The following UBTD2 variants were observed in gnomAD, a reference collection of about 807,000 sequenced individuals.
The protein encoded by UBTD2 is ubiquitin domain-containing protein 2.
A neutral mutation model predicts 19.8 loss-of-function variants in UBTD2; 9 were observed. The ratio of observed to expected loss-of-function variants is 0.46; its 90% confidence interval spans 0.27 to 0.79. The LOEUF (loss-of-function observed/expected upper bound fraction) is 0.79, where lower values mean the gene tolerates loss of function less well. UBTD2 is among the 30% of genes least tolerant of loss of function. The pLI is 0.14. For missense variants in UBTD2, 250 were observed against 300.4 expected (o/e 0.83, Z 1.24); for synonymous variants, 98 against 103.9 (o/e 0.94, Z 0.35).
intron 1 of UBTD2, among the ~76,000 whole-genome samples, chr5:172,241,522 C>G (rs920962349): frequency 6.6e-6 from 1 of 150,968 alleles, no homozygotes; most frequent in Admixed American, 6.6e-5. Context: ...ATTTAAGGAC[C>G]AGAAATAAAA....
chr5:172,229,351 A>AT (rs1180636339), intron 2 of UBTD2, among the ~76,000 whole-genome samples: 20 of 152,132 alleles, frequency 1.3e-4, no homozygotes, highest in South Asian at 2.1e-4. Flanking sequence ...AATACAAAAA[A>AT]TTAGCCAGGC....
At chr5:172,215,834 G>A (rs970207539) in intron 2 of UBTD2, among the ~76,000 whole-genome samples, 4 of 152,126 alleles carry the variant, frequency 2.6e-5, no homozygotes, top group Non-Finnish European at 4.4e-5. Context: ...AACTGAACAC[G>A]AATGAGGAAG....
chr5:172,217,398 G>A (rs1322314405), intron 2 of UBTD2, among the ~76,000 whole-genome samples: 4 of 139,470 alleles, frequency 2.9e-5, no homozygotes, highest in African/African-American at 8.1e-5. Context: ...CAGCCTGGGC[G>A]AAAGTGCGAG....
intron 2 of UBTD2, among the ~76,000 whole-genome samples, chr5:172,223,665 C>CAA (rs1771699284): frequency 7.3e-6 from 1 of 137,734 alleles, no homozygotes; most frequent in South Asian, 2.5e-4. Context: ...AAGCACTTTA[C>CAA]ATACATTAAC....
intron 1 of UBTD2, among the ~76,000 whole-genome samples, chr5:172,257,513 C>T (rs1755180552): frequency 6.6e-6 from 1 of 152,170 alleles, no homozygotes; most frequent in African/African-American, 2.4e-5. Context: ...TAATGGGATT[C>T]CTGGGTCGAA....
intron 1 of UBTD2, chr5:172,255,116 G>A (rs1755111352): frequency 6.3e-6 from 3 of 475,514 alleles, no homozygotes; most frequent in Non-Finnish European, 4.1e-6. Context: ...AAGGGGATGA[G>A]TATTTTCATT....
intron 2 of UBTD2, among the ~76,000 whole-genome samples, chr5:172,227,695 CTTTTTTTTTTTTTTT>C (rs1164255222): frequency 2.8e-5 from 2 of 72,164 alleles, no homozygotes; most frequent in Non-Finnish European, 2.4e-5. Context: ...ATGAAAAATT[CTTTTTTTTTTTTTTT>C]TTTTTTTTTT....
intron 2 of UBTD2, among the ~76,000 whole-genome samples, chr5:172,219,237 T>C (rs1771607290): frequency 6.6e-6 from 1 of 152,248 alleles, no homozygotes. Context: ...TTCTCTGCAA[T>C]CTTTTTCATT....
intron 1 of UBTD2, among the ~76,000 whole-genome samples, chr5:172,262,565 A>G (rs896435998): frequency 1.3e-5 from 2 of 152,160 alleles, no homozygotes; most frequent in Non-Finnish European, 1.5e-5. Context: ...TAATCCCAGC[A>G]CTTTGGGAGG....
At chr5:172,270,561 G>A (rs1168276489) in intron 1 of UBTD2, among the ~76,000 whole-genome samples, 1 of 151,646 alleles carries the variant, frequency 6.6e-6, no homozygotes, top group Non-Finnish European at 1.5e-5. Flanking sequence ...TTTCAATGTT[G>A]GCTGGGATGG....
chr5:172,282,236 C>T (rs1294647221), intron 1 of UBTD2, among the ~76,000 whole-genome samples: 1 of 152,182 alleles, frequency 6.6e-6, no homozygotes, highest in African/African-American at 2.4e-5. Context: ...TGTTTTAAAT[C>T]GTGCCCTTTT....
At chr5:172,264,662 C>T (rs1160498103) in intron 1 of UBTD2, among the ~76,000 whole-genome samples, 1 of 151,808 alleles carries the variant, frequency 6.6e-6, no homozygotes, top group Non-Finnish European at 1.5e-5. Context: ...TCACCTGAGC[C>T]CAGGAGTTAA....
chr5:172,231,854 T>C (rs945973592), intron 2 of UBTD2, among the ~76,000 whole-genome samples: 1 of 152,204 alleles, frequency 6.6e-6, no homozygotes, highest in African/African-American at 2.4e-5. Context: ...AAAGGTGGTA[T>C]GTGAAGACGA....
At chr5:172,278,992 G>A (rs1430709106) in intron 1 of UBTD2, among the ~76,000 whole-genome samples, 2 of 152,126 alleles carry the variant, frequency 1.3e-5, no homozygotes, top group Admixed American at 6.6e-5. Context: ...TGGCCAGGCT[G>A]GTCTTGAACT....
chr5:172,239,958 T>C (rs563173757), intron 1 of UBTD2, among the ~76,000 whole-genome samples: 97 of 152,328 alleles, frequency 6.4e-4, no homozygotes, highest in Admixed American at 6.5e-4. Flanking sequence ...GATCTCTCTT[T>C]CCATTATAGC....
intron 1 of UBTD2, among the ~76,000 whole-genome samples, chr5:172,271,945 G>A (rs1447071617): frequency 1.3e-5 from 2 of 152,124 alleles, no homozygotes; most frequent in Non-Finnish European, 2.9e-5. Context: ...AAAAGCCCAA[G>A]TCACTAATTC....
In UBTD2 at chr5:172,210,372, C is replaced by T. The variant is rs750411850; in HGVS notation, c.*1458G>A. 4.6e-5 allele frequency: 7 copies of T among 152,186 alleles called. No individual in the cohort carries two copies. The South Asian group carries it at 6.2e-4, about 13-fold the overall frequency. The allele number at this position is 152,186 out of a possible 1,614,324, so 9.4% of individuals were successfully genotyped here. On this transcript the variant is annotated 3_prime_UTR_variant, in exon 3 of 3. Transcript: ENST00000393792. ...GCTGACATTTTCCAACTGAGAACAG[C>T]GTTAAGTGCCTTCTTGTCTGTACTT...
chr5:172,250,918 AGC>A (rs1754991217), intron 1 of UBTD2, among the ~76,000 whole-genome samples: 4 of 105,880 alleles, frequency 3.8e-5, no homozygotes, highest in African/African-American at 1.2e-4. Flanking sequence ...TGGGTGACAG[AGC>A]GAGACCCTGT....
intron 1 of UBTD2, among the ~76,000 whole-genome samples, chr5:172,280,769 A>G (rs1441233904): frequency 6.6e-6 from 1 of 152,230 alleles, no homozygotes; most frequent in Non-Finnish European, 1.5e-5. Flanking sequence ...ATTAATCCCA[A>G]AACAATAGAT....
Sources: allele counts gnomAD v4.1 joint callset (sites outside exome capture counted in the v4.1 genomes callset), GRCh38; gene constraint gnomAD v4.1.1; transcripts MANE v1.5; gene names NCBI Gene and HGNC (gene_info 2026-07-23, HGNC 2026-07-21).